The following PCDH9 variants were observed in gnomAD, a reference collection of about 807,000 sequenced individuals.
PCDH9 encodes the protein protocadherin-9.
A neutral mutation model predicts 70.6 loss-of-function variants in PCDH9; 24 were observed. That is an observed-to-expected ratio of 0.34 (90% CI 0.25 to 0.48). The LOEUF (loss-of-function observed/expected upper bound fraction) is 0.48. Among genes scored for constraint, PCDH9 ranks in the 20% least tolerant of loss-of-function variants. The pLI, the probability that PCDH9 is intolerant of heterozygous loss-of-function variation, is 0.99. For synonymous variants in PCDH9, 562 were observed against 558.5 expected, an observed-to-expected ratio of 1.01 and a Z score of -0.09; for missense variants, 1,281 against 1,503.6, an observed-to-expected ratio of 0.85 and a Z score of 2.45.
intron 4 of PCDH9, among the ~76,000 whole-genome samples, chr13:66,398,625 A>G (rs1235513870): frequency 6.6e-6 from 1 of 152,212 alleles, no homozygotes; most frequent in African/African-American, 2.4e-5. Context: ...ATAATTTTAT[A>G]TACATTCAAA....
At chr13:67,103,892 T>C (rs1259621171) in intron 2 of PCDH9, among the ~76,000 whole-genome samples, 1 of 152,108 alleles carries the variant, frequency 6.6e-6, no homozygotes, top group Non-Finnish European at 1.5e-5. Context: ...GTGAACGACT[T>C]TGAATCTAGT....
intron 4 of PCDH9, among the ~76,000 whole-genome samples, chr13:66,339,250 A>G (rs1956087063): frequency 6.6e-6 from 1 of 152,036 alleles, no homozygotes; most frequent in Non-Finnish European, 1.5e-5. Flanking sequence ...AAAAAACAGT[A>G]TTACTTTATT....
intron 2 of PCDH9, among the ~76,000 whole-genome samples, chr13:67,076,131 G>C (rs928074229): frequency 2.6e-5 from 4 of 152,124 alleles, no homozygotes; most frequent in Admixed American, 6.6e-5. Context: ...AATAGTATGG[G>C]AGTGGAGGCG....
intron 2 of PCDH9, among the ~76,000 whole-genome samples, chr13:67,018,940 C>T (rs2084619467): frequency 6.6e-6 from 1 of 152,018 alleles, no homozygotes; most frequent in South Asian, 2.1e-4. Context: ...TCACAAATAC[C>T]CAATCTTGTA....
At chr13:66,546,972 C>T (rs1244809906) in intron 4 of PCDH9, among the ~76,000 whole-genome samples, 3 of 152,062 alleles carry the variant, frequency 2.0e-5, no homozygotes, top group Admixed American at 2.0e-4. Flanking sequence ...GTAACCTAGA[C>T]CATCTAGTTT....
chr13:66,957,695 C>G (rs1055361879), intron 2 of PCDH9, among the ~76,000 whole-genome samples: 6 of 152,128 alleles, frequency 3.9e-5, no homozygotes, highest in Non-Finnish European at 7.3e-5. Context: ...CTCTCTCTCA[C>G]TCACTCTCTT....
intron 4 of PCDH9, among the ~76,000 whole-genome samples, chr13:66,609,483 A>T (rs1450671606): frequency 6.6e-6 from 1 of 152,128 alleles, no homozygotes; most frequent in Admixed American, 6.5e-5. Context: ...GTAATTTGTG[A>T]ATAGCTATCA....
chr13:66,610,573 T>G (rs1396395781), intron 4 of PCDH9, among the ~76,000 whole-genome samples: 2 of 152,172 alleles, frequency 1.3e-5, no homozygotes, highest in African/African-American at 4.8e-5. Flanking sequence ...CTGTGGAGTA[T>G]TGGTATTTCT....
intron 2 of PCDH9, among the ~76,000 whole-genome samples, chr13:66,995,904 T>C (rs1343728456): frequency 6.6e-6 from 1 of 152,206 alleles, no homozygotes; most frequent in Non-Finnish European, 1.5e-5. Flanking sequence ...GTCACAATAT[T>C]TGAAAAATGA....
At chr13:67,098,651 G>C (rs928386405) in intron 2 of PCDH9, among the ~76,000 whole-genome samples, 5 of 152,044 alleles carry the variant, frequency 3.3e-5, no homozygotes, top group African/African-American at 1.2e-4. Context: ...CCTTGATGAA[G>C]TAGATTAATT....
rs67724900 is a variant in PCDH9, at chr13:66,526,507, A to ATCTCTC, written c.3340+104697_3340+104702dup. Among the ~76,000 whole-genome samples, 92 of 149,266 alleles carry ATCTCTC rather than the reference A, an allele frequency of 6.2e-4. 1 individual carries two copies. Among genetic ancestry groups the ATCTCTC allele is most frequent in the East Asian group, 4.6e-3 (23 of 4,998 alleles). On this transcript the variant is annotated intron_variant, in intron 4 of 4. Coordinates refer to ENST00000377865, the MANE Select transcript of PCDH9 (RefSeq NM_203487.3). Reference sequence around the variant, plus strand: ...ATGTTTACTTATACAATGCTTTGAAATCTCTCTCTCTCTCTCTCTCTCTCT... The same window carrying ATCTCTC: ...ATGTTTACTTATACAATGCTTTGAAATCTCTCTCTCTCTCTCTCTCTCTCTCTCTCT...
chr13:67,076,937 A>T (rs1004814393), intron 2 of PCDH9, among the ~76,000 whole-genome samples: 5 of 152,134 alleles, frequency 3.3e-5, no homozygotes, highest in African/African-American at 7.2e-5. Context: ...ACGTCTGATT[A>T]TGTGTGATTA....
chr13:66,717,470 AAAAAAAAAAAATATATAT>A, intron 3 of PCDH9, among the ~76,000 whole-genome samples: 3 of 37,130 alleles, frequency 8.1e-5, no homozygotes, highest in Admixed American at 5.6e-4. Context: ...AAAAAAAAAA[AAAAAAAAAAAATATATAT>A]ATATATATAT....
intron 4 of PCDH9, among the ~76,000 whole-genome samples, chr13:66,497,092 G>A (rs528795331): frequency 2.0e-5 from 3 of 151,372 alleles, no homozygotes; most frequent in African/African-American, 7.3e-5. Flanking sequence ...TTTTTAGACG[G>A]GTCCTTGCTC....
chr13:66,770,728 C>T (rs897394675), intron 3 of PCDH9, among the ~76,000 whole-genome samples: 5 of 152,200 alleles, frequency 3.3e-5, no homozygotes, highest in Admixed American at 2.0e-4. Context: ...GCCTCTTCTA[C>T]TCATATAGCA....
At chr13:66,630,074 T>A (rs1280608817) in intron 4 of PCDH9, among the ~76,000 whole-genome samples, 1 of 152,156 alleles carries the variant, frequency 6.6e-6, no homozygotes, top group Non-Finnish European at 1.5e-5. Flanking sequence ...AAGAAAAAAG[T>A]CATCATACTT....
intron 3 of PCDH9, among the ~76,000 whole-genome samples, chr13:66,824,152 A>C (rs1375232766): frequency 6.6e-6 from 1 of 151,726 alleles, no homozygotes; most frequent in Non-Finnish European, 1.5e-5. Context: ...ATCTCCTTTA[A>C]GCATATTAAA....
At chr13:67,163,175 C>T (rs1207519166) in intron 2 of PCDH9, among the ~76,000 whole-genome samples, 1 of 152,152 alleles carries the variant, frequency 6.6e-6, no homozygotes, top group Non-Finnish European at 1.5e-5. Context: ...AAGAAGCCCA[C>T]ACAGATCTCA....
chr13:66,782,449 C>G (rs1292977775), intron 3 of PCDH9, among the ~76,000 whole-genome samples: 4 of 151,908 alleles, frequency 2.6e-5, no homozygotes, highest in East Asian at 1.9e-4. Flanking sequence ...GTAGTCACAA[C>G]ACACGATTAA....
Sources: allele counts gnomAD v4.1 joint callset (sites outside exome capture counted in the v4.1 genomes callset), GRCh38; gene constraint gnomAD v4.1.1; transcripts MANE v1.5; gene names NCBI Gene and HGNC (gene_info 2026-07-23, HGNC 2026-07-21).